KATNB1: variants seen among roughly 807,000 people sequenced by gnomAD.
KATNB1 encodes katanin p80 WD40 repeat-containing subunit B1.
KATNB1 carries 38 observed loss-of-function variants against 82.3 expected under a neutral mutation model. That is an observed-to-expected ratio of 0.46 (90% confidence interval 0.36 to 0.61). KATNB1 has a LOEUF of 0.61. KATNB1 is among the 20% of genes least tolerant of loss of function. The pLI, the probability that KATNB1 is intolerant of heterozygous loss-of-function variation, is 0.00. For synonymous variants in KATNB1, 361 were observed against 368.7 expected (o/e 0.98, Z 0.24); for missense variants, 749 against 915.7 (o/e 0.82, Z 2.35).
In KATNB1 at chr16:57,754,020, C is replaced by T. The variant is rs183711563; in HGVS notation, c.1228+25C>T. The stretch of plus-strand genomic sequence containing the variant: ...GGTGAGTTGGGTGAGCCTGGTTTCC[C>T]AAGGTCTCTGATGCCCCCCCGTCCC... On this transcript the variant is annotated intron_variant, in intron 13 of 19. Coordinates refer to ENST00000379661, the MANE Select transcript of KATNB1 (RefSeq NM_005886.3). 26 of 1,606,794 alleles carry T rather than the reference C, an allele frequency of 1.6e-5. No individual in the cohort carries two copies. The African/African-American group carries it at 2.9e-4, about 18-fold the overall frequency.
chr16:57,755,164 C>T lies in KATNB1; in HGVS notation c.1342C>T (p.Pro448Ser), dbSNP rs2049265468. The T allele has an allele frequency of 1.9e-6, 3 of 1,612,534 alleles. No individual in the cohort carries two copies. Among genetic ancestry groups the T allele is most frequent in the South Asian group, 2.2e-5 (2 of 91,082 alleles). Residue 448 changes from proline (P) to serine (S), a missense_variant, in exon 15 of 20, where the codon CCC becomes TCC. Pro to Ser is a moderately conservative substitution (Grantham distance 74, BLOSUM62 -1). This residue lies in a region of KATNB1 where 407 missense variants were observed against 434.7 expected (regional missense o/e 0.94). Transcript: ENST00000379661. ...CCCAGTGGTTGCTTCCACACCTGCA[C>T]CCAAGGCTGAGCCTGCCATCATCCC... The part of the protein sequence containing the change: ...RPPVVASTPA[P>S]KAEPAIIPAT...
At chr16:57,746,265 G>A (rs1412148091) in intron 4 of KATNB1, among the ~76,000 whole-genome samples, 1 of 152,154 alleles carries the variant, frequency 6.6e-6, no homozygotes, top group Non-Finnish European at 1.5e-5. Flanking sequence ...TAGGTTCTAG[G>A]TTGCTATTGG....
At chr16:57,747,675 G>T (rs887169202) in intron 4 of KATNB1, among the ~76,000 whole-genome samples, 10 of 152,200 alleles carry the variant, frequency 6.6e-5, no homozygotes, top group African/African-American at 9.6e-5. Flanking sequence ...GGATGGCTGG[G>T]CTCTCATGGA....
intron 3 of KATNB1, among the ~76,000 whole-genome samples, chr16:57,743,136 C>T (rs560730620): frequency 6.6e-6 from 1 of 152,228 alleles, no homozygotes; most frequent in African/African-American, 2.4e-5. Context: ...CTACTAAAAA[C>T]ACAAAAATTA....
chr16:57,748,475 A>G (rs1240039729), intron 4 of KATNB1, among the ~76,000 whole-genome samples: 4 of 151,446 alleles, frequency 2.6e-5, no homozygotes, highest in Non-Finnish European at 5.9e-5. Flanking sequence ...TTTTAAAAAA[A>G]AAAAAAAAAA....
chr16:57,742,709 C>G (rs1175135312), intron 3 of KATNB1, among the ~76,000 whole-genome samples: 10 of 152,258 alleles, frequency 6.6e-5, no homozygotes, highest in African/African-American at 2.4e-4. Flanking sequence ...AGCTTAGCCA[C>G]ACCCTGTTAT....
chr16:57,748,916 G>A (rs2049204043), intron 4 of KATNB1, among the ~76,000 whole-genome samples: 1 of 152,246 alleles, frequency 6.6e-6, no homozygotes, highest in African/African-American at 2.4e-5. Context: ...GCTGGGAGCG[G>A]GTGTGGACTG....
chr16:57,747,590 G>A (rs1305322960), intron 4 of KATNB1, among the ~76,000 whole-genome samples: 1 of 152,210 alleles, frequency 6.6e-6, no homozygotes, highest in East Asian at 1.9e-4. Flanking sequence ...GCACGTGATC[G>A]CACTGCCTGG....
At chr16:57,736,174 T>C (rs1350204977) in intron 1 of KATNB1, 1 of 151,932 alleles carries the variant, frequency 6.6e-6, no homozygotes, top group Non-Finnish European at 1.5e-5. Flanking sequence ...CCCGCGAGCA[T>C]ATGGGAAAGG....
At chr16:57,745,717 G>A (rs1330561034) in intron 4 of KATNB1, among the ~76,000 whole-genome samples, 1 of 151,952 alleles carries the variant, frequency 6.6e-6, no homozygotes, top group African/African-American at 2.4e-5. Context: ...TGTTTATAAT[G>A]TAAGGACGCA....
rs34508238 is a variant in KATNB1, at chr16:57,752,596, C to A, written c.699C>A (p.Pro233=). Residue 233 remains proline (P), a synonymous_variant, in exon 9 of 20, where the codon CCC becomes CCA. Transcript: ENST00000379661. The stretch of plus-strand genomic sequence containing the variant: ...GCTGCATCGAAGGGGAGCCTGGGCC[C>A]GTCAGGTACGCAGGCTGTGGGGTGG... ...VVSCIEGEPG[P]VRSVLFNPDG... The A allele has an allele frequency of 2.4e-4, 370 of 1,565,802 alleles. 1 individual carries two copies. In the African/African-American group the frequency reaches 4.5e-3, roughly 19 times the overall value.
intron 8 of KATNB1, 39 bp from the exon 9 acceptor site, chr16:57,752,491 A>C: frequency 6.5e-7 from 1 of 1,539,974 alleles, no homozygotes; most frequent in Non-Finnish European, 8.8e-7. Context: ...GGCCAGGATG[A>C]GGGATAGGCT....
At position 57,752,595 on chromosome 16, in the gene KATNB1, C is replaced by T. The variant is rs782579971; in HGVS notation, c.698C>T (p.Pro233Leu). Residue 233 changes from proline to leucine, a missense_variant, in exon 9 of 20, where the codon CCC (proline) becomes CTC (leucine). Around this residue, in one of 3 missense-constraint regions of KATNB1, gnomAD observed 247 missense variants for 349.4 expected, o/e 0.71. Transcript: ENST00000379661. ...VVSCIEGEPG[P>L]VRSVLFNPDG... is the part of the protein sequence containing the mutation. ...AGCTGCATCGAAGGGGAGCCTGGGCCCGTCAGGTACGCAGGCTGTGGGGTG... is the reference window on the plus strand; with the variant it reads ...AGCTGCATCGAAGGGGAGCCTGGGCTCGTCAGGTACGCAGGCTGTGGGGTG... 6.4e-7 allele frequency: 1 copy of T among 1,565,958 alleles called. No individual in the cohort carries two copies. The highest frequency in any genetic ancestry group is 8.7e-7 in the Non-Finnish European group (1 of 1,155,272).
intron 19 of KATNB1, 30 bp downstream of exon 19, chr16:57,756,502 G>T: frequency 6.4e-7 from 1 of 1,572,646 alleles, no homozygotes; most frequent in South Asian, 1.1e-5. Flanking sequence ...TGGGGGCAGG[G>T]GTGCCACAAC....
Position 57,754,112 on chromosome 16 carries a change from A to G in KATNB1, c.1228+117A>G, listed in dbSNP as rs1199246202. On this transcript the variant is annotated intron_variant, in intron 13 of 19. Transcript: ENST00000379661. ...CAGGACCCTCCCCTCTCAGGACACG[A>G]CCCACACCCTCTCCCGCTGGGTCTC... 8 of 835,170 alleles carry G rather than the reference A, an allele frequency of 9.6e-6. No homozygotes were observed. In the East Asian group the frequency reaches 1.9e-4, roughly 20 times the overall value. 51.7% of individuals were successfully genotyped at this position (835,170 alleles called of 1,614,324 possible). A position where few individuals can be genotyped will look rare whatever the true frequency, so the allele number is the denominator to read the frequency against.
Position 57,751,423 on chromosome 16 carries a change from CAT to C in KATNB1, c.432+123_432+124del. ...GTCCCACATGGGTGATAACATAAAACATAGACCTGGAGCTGAGCAGGAGCGCC... is the reference window on the plus strand; with the variant it reads ...GTCCCACATGGGTGATAACATAAAACAGACCTGGAGCTGAGCAGGAGCGCC... On this transcript the variant is annotated intron_variant, in intron 6 of 19. Coordinates refer to ENST00000379661, the MANE Select transcript of KATNB1 (RefSeq NM_005886.3). The surrounding 1 kb of genome is among the most constrained non-coding windows in gnomAD (Gnocchi z 6.3). 5 of 1,116,850 alleles carry C rather than the reference CAT, an allele frequency of 4.5e-6. No individual in the cohort carries two copies. The Admixed American group carries it at 8.9e-5, about 20-fold the overall frequency. 69.2% of individuals were successfully genotyped at this position (1,116,850 alleles called of 1,614,324 possible).
chr16:57,751,021 C>G lies in KATNB1; in HGVS notation c.390+94C>G. 9.4e-7 allele frequency: 1 copy of G among 1,061,812 alleles called. No individual in the cohort carries two copies. The highest frequency in any genetic ancestry group is 1.5e-6 in the Non-Finnish European group (1 of 688,610). The allele number at this position is 1,061,812 out of a possible 1,614,324, so 65.8% of individuals were successfully genotyped here. On this transcript the variant is annotated intron_variant, in intron 5 of 19. Transcript: ENST00000379661. This position sits in a 1 kb window ranked among gnomAD's most constrained non-coding sequence, Gnocchi z 6.3. ...AGTGCTGGATGCCTGCTGAGGGGAC[C>G]TCTTCCCTTTCTGCAGCCACATCCA...
intron 4 of KATNB1, among the ~76,000 whole-genome samples, chr16:57,750,270 A>G (rs984311837): frequency 6.6e-5 from 10 of 151,970 alleles, no homozygotes; most frequent in Admixed American, 2.0e-4. Flanking sequence ...CTGTGGGGAG[A>G]GTGTGGTACA....
In KATNB1 at chr16:57,751,065, G is replaced by T. The variant is rs1434254847; in HGVS notation, c.390+138G>T. 5.9e-6 allele frequency: 5 copies of T among 843,894 alleles called. No individual in the cohort carries two copies. In the Admixed American group the frequency reaches 1.0e-4, roughly 17 times the overall value. 52.3% of individuals were successfully genotyped at this position (843,894 alleles called of 1,614,324 possible). On this transcript the variant is annotated intron_variant, in intron 5 of 19. Coordinates refer to ENST00000379661, the MANE Select transcript of KATNB1 (RefSeq NM_005886.3). This position sits in a 1 kb window ranked among gnomAD's most constrained non-coding sequence, Gnocchi z 6.3. ...ACATCCACACCATCCTAGGGAAAGC[G>T]GGTGGCAGGCATCTATCTGCCAGAT...
Sources: gnomAD v4.1 joint callset for allele counts (sites outside exome capture counted in the v4.1 genomes callset) on GRCh38, gnomAD v4.1.1 for gene constraint, gnomAD v4.1.1 regional missense constraint, Gnocchi (gnomAD v3.1) non-coding constraint, MANE v1.5 for transcripts, NCBI Gene and HGNC (gene_info 2026-07-23, HGNC 2026-07-21) for gene names.